Variants in MSANTD1 observed in about 807,000 individuals in gnomAD.
MSANTD1 encodes myb/SANT-like DNA-binding domain-containing protein 1.
In MSANTD1, 7 loss-of-function variants were observed where a neutral mutation model predicts 24.2. That is an observed-to-expected ratio of 0.29 (90% CI 0.16 to 0.54). The LOEUF is 0.54. MSANTD1 is among the 20% of genes least tolerant of loss of function. MSANTD1 has a pLI of 0.94. For missense variants in MSANTD1, 384 were observed against 408.2 expected (o/e 0.94, Z 0.51); for synonymous variants, 177 against 181.1 (o/e 0.98, Z 0.18).
chr4:3,245,728 G>C (rs530048620), upstream of MSANTD1, among the ~76,000 whole-genome samples: 3 of 152,344 alleles, frequency 2.0e-5, no homozygotes, highest in East Asian at 5.8e-4. Flanking sequence ...AGCCCCAGCA[G>C]CCTGGCTGCC....
Position 3,253,199 on chromosome 4 carries a change from C to T in MSANTD1, c.321-8C>T, listed in dbSNP as rs370864624. On this transcript the variant is annotated splice_polypyrimidine_tract_variant and splice_region_variant and intron_variant, in intron 1 of 2. Coordinates refer to ENST00000438480, the MANE Select transcript of MSANTD1 (RefSeq NM_001042690.2). Reference sequence around the variant, plus strand: ...TCTCACCCTTGGCTCTTGTGTCTCTCGTTTCAGGAAATTAAAATGCATGAC... The same window carrying T: ...TCTCACCCTTGGCTCTTGTGTCTCTTGTTTCAGGAAATTAAAATGCATGAC... The T allele has an allele frequency of 4.2e-5, 65 of 1,532,698 alleles. No homozygotes were observed. The highest frequency in any genetic ancestry group is 5.3e-5 in the Non-Finnish European group (60 of 1,132,836). 94.9% of individuals were successfully genotyped at this position (1,532,698 alleles called of 1,614,324 possible).
chr4:3,253,491 T>C lies in MSANTD1; in HGVS notation c.596+9T>C. The C allele has an allele frequency of 6.6e-7, 1 of 1,514,566 alleles. No homozygotes were observed. The allele number at this position is 1,514,566 out of a possible 1,614,324, so 93.8% of individuals were successfully genotyped here. ...CTGTCCCTTAAGTTCAGGTAGTGTG[T>C]CTGCTTGTCCTTCCCCTGCCCTGGG... On this transcript the variant is annotated intron_variant, in intron 2 of 2. Transcript: ENST00000438480.
exon 3 of MSANTD1, chr4:3,256,599 ACCTGTTCACATGCACAGC>A (rs1295632370): frequency 1.3e-5 from 2 of 152,232 alleles, no homozygotes; most frequent in African/African-American, 4.8e-5. Context: ...AAGTCGTAAC[ACCTGTTCACATGCACAGC>A]CCTGTTGAGT....
Position 3,255,805 on chromosome 4 carries a change from T to C in MSANTD1, c.677T>C (p.Met226Thr), listed in dbSNP as rs1249199156. The C allele has an allele frequency of 1.3e-6, 2 of 1,546,688 alleles. No individual in the cohort carries two copies. The highest frequency in any genetic ancestry group is 1.2e-5 in the South Asian group (1 of 83,942). The change falls in exon 3 of 3, where the codon ATG becomes ACG. Residue 226 changes from methionine to threonine, a missense_variant. Transcript: ENST00000438480. ...AAGCAGCTGCGGCTGCTGGAGGCCA[T>C]GGTGGAGGAGCAGCGCCGGCTGAGC... ...QKKQLRLLEAMVEEQRRLSRA... is the reference protein window; with the variant it reads ...QKKQLRLLEATVEEQRRLSRA...
Position 3,256,031 on chromosome 4 carries a change from G to A in MSANTD1, c.*66G>A. The stretch of plus-strand genomic sequence containing the variant: ...GTACTGCTCAGGCCACCCAGGGCAG[G>A]CCACTCAGGCCAGGCGGGCAAGGGG... On this transcript the variant is annotated 3_prime_UTR_variant, in exon 3 of 3. Transcript: ENST00000438480. 1.4e-6 allele frequency: 2 copies of A among 1,415,240 alleles called. No individual in the cohort carries two copies. The highest frequency in any genetic ancestry group is 1.8e-6 in the Non-Finnish European group (2 of 1,090,130). The allele number at this position is 1,415,240 out of a possible 1,614,324, so 87.7% of individuals were successfully genotyped here.
At chr4:3,252,006 G>A (rs906863524) in intron 1 of MSANTD1, among the ~76,000 whole-genome samples, 7 of 152,322 alleles carry the variant, frequency 4.6e-5, no homozygotes, top group African/African-American at 1.4e-4. Context: ...GTTTGCTGGG[G>A]GCACCTCATT....
At chr4:3,250,827 C>T (rs1022244967) in intron 1 of MSANTD1, among the ~76,000 whole-genome samples, 5 of 152,182 alleles carry the variant, frequency 3.3e-5, no homozygotes, top group Non-Finnish European at 4.4e-5. Context: ...CCCCCTCAGG[C>T]GAGGAGCCGG....
Position 3,249,208 on chromosome 4 carries a change from C to T in MSANTD1, c.-15C>T, listed in dbSNP as rs1292074629. The T allele has an allele frequency of 1.7e-5, 23 of 1,380,548 alleles. No individual in the cohort carries two copies. The highest frequency in any genetic ancestry group is 1.3e-4 in the Admixed American group (4 of 30,230). 85.5% of individuals were successfully genotyped at this position (1,380,548 alleles called of 1,614,324 possible). ...GGAGCTGCCTTCGAGCGAGCGTGAG[C>T]GGCGCCTCCCGCCCATGGTGCGTGG... On this transcript the variant is annotated 5_prime_UTR_variant, in exon 1 of 3. Coordinates refer to ENST00000438480, the MANE Select transcript of MSANTD1 (RefSeq NM_001042690.2).
rs368024965 is a variant in MSANTD1, at chr4:3,249,549, G to A, written c.320+7G>A. The A allele has an allele frequency of 6.7e-5, 107 of 1,603,606 alleles. 2 individuals are homozygous for A. In the South Asian group the frequency reaches 9.1e-4, roughly 14 times the overall value. ...ACATGACCTTCCAGTACAGGTGGGC[G>A]AGCGGGCAGTGTGGGCCCCACCAGG... On this transcript the variant is annotated splice_region_variant and intron_variant, in intron 1 of 2. Transcript: ENST00000438480.
chr4:3,254,026 G>C (rs559799859), intron 2 of MSANTD1, among the ~76,000 whole-genome samples: 2 of 152,232 alleles, frequency 1.3e-5, no homozygotes, highest in Non-Finnish European at 2.9e-5. Context: ...TGCTGGCCAC[G>C]TGACTGTGCC....
upstream of MSANTD1, among the ~76,000 whole-genome samples, chr4:3,246,273 T>C (rs1722024671): frequency 6.6e-6 from 1 of 152,226 alleles, no homozygotes; most frequent in Non-Finnish European, 1.5e-5. Context: ...CTGCACAGGC[T>C]GTGCTCACCA....
rs963786905 is a variant in MSANTD1 at position 3,256,294 on chromosome 4, A to G, written c.*329A>G. ...TTGACGTGGCTTTGATATTAAACGT[A>G]TACTTTTTCATTCTTGCCTGGAACG... On this transcript the variant is annotated 3_prime_UTR_variant, in exon 3 of 3. Coordinates refer to ENST00000438480, the MANE Select transcript of MSANTD1 (RefSeq NM_001042690.2). 1 of 197,806 alleles carries G rather than the reference A, an allele frequency of 5.1e-6. No homozygotes were observed. Among genetic ancestry groups the G allele is most frequent in the Admixed American group, 6.0e-5 (1 of 16,588 alleles). 12.3% of individuals were successfully genotyped at this position (197,806 alleles called of 1,614,324 possible). A position where few individuals can be genotyped will look rare whatever the true frequency, so the allele number is the denominator to read the frequency against.
At chr4:3,249,614 T>C (rs943555096) in intron 1 of MSANTD1, 72 bp downstream of exon 1, 1 of 1,425,516 alleles carries the variant, frequency 7.0e-7, no homozygotes, top group Admixed American at 2.1e-5. Context: ...CCTGACTTTC[T>C]TGGAGCTCTG....
chr4:3,251,242 A>T (rs1181103139), intron 1 of MSANTD1, among the ~76,000 whole-genome samples: 3 of 152,232 alleles, frequency 2.0e-5, no homozygotes, highest in South Asian at 2.1e-4. Flanking sequence ...CGACTGTTCC[A>T]GCAGGCTCCC....
In MSANTD1 at chr4:3,249,357, C is replaced by T. The variant is rs1722141389; in HGVS notation, c.135C>T (p.Asn45=). 1.3e-6 allele frequency: 2 copies of T among 1,558,770 alleles called. No homozygotes were observed. The highest frequency in any genetic ancestry group is 1.7e-6 in the Non-Finnish European group (2 of 1,151,600). The change falls in exon 1 of 3, where the codon AAC becomes AAT. Residue 45 remains asparagine (N), a synonymous_variant. Transcript: ENST00000438480. The stretch of plus-strand genomic sequence containing the variant: ...CGGAGAAGCACCGGCGGGCCCGCAA[C>T]TGGACGGACGCCGAGATGCGCGGCC... ...PQAEKHRRAR[N]WTDAEMRGLM...
intron 1 of MSANTD1, among the ~76,000 whole-genome samples, chr4:3,251,163 C>G (rs922437060): frequency 6.6e-6 from 1 of 152,226 alleles, no homozygotes; most frequent in Non-Finnish European, 1.5e-5. Flanking sequence ...CCCCACTGTT[C>G]CCGTGGCCTC....
chr4:3,251,470 C>T (rs1051605013), intron 1 of MSANTD1, among the ~76,000 whole-genome samples: 4 of 152,138 alleles, frequency 2.6e-5, no homozygotes, highest in South Asian at 2.1e-4. Flanking sequence ...GTGCACTGCA[C>T]GTCATGGCTG....
At chr4:3,248,171 C>G (rs1722092701), upstream of MSANTD1, 1 of 151,666 alleles carries the variant, frequency 6.6e-6, no homozygotes, top group African/African-American at 2.4e-5. Flanking sequence ...GGCGGCACTT[C>G]TCCGGGCAGA....
rs780734597 is a variant in MSANTD1, at chr4:3,253,319, G to T, written c.433G>T (p.Asp145Tyr). ...CGAGTCCTGTGATGGCAAACTGCCG[G>T]ACAGCCAGCCGCCGGGGCCCTCCAC... ...VPESCDGKLP[D>Y]SQPPGPSTSQ... Residue 145 changes from aspartate (D) to tyrosine (Y), a missense_variant, in exon 2 of 3, where the codon GAC (aspartate) becomes TAC (tyrosine). By Grantham distance (160) the Asp-to-Tyr change is radical. Transcript: ENST00000438480. The T allele has an allele frequency of 6.2e-7, 1 of 1,610,214 alleles. No homozygotes were observed. Among genetic ancestry groups the T allele is most frequent in the South Asian group, 1.1e-5 (1 of 89,984 alleles).
Sources: gnomAD v4.1 joint callset for allele counts (sites outside exome capture counted in the v4.1 genomes callset) on GRCh38, gnomAD v4.1.1 for gene constraint, MANE v1.5 for transcripts, NCBI Gene and HGNC (gene_info 2026-07-23, HGNC 2026-07-21) for gene names.